The following PPP3CA variants were observed in gnomAD, a reference collection of about 807,000 sequenced individuals.
The protein encoded by PPP3CA is CAM-PRP catalytic subunit.
A neutral mutation model predicts 66.5 loss-of-function variants in PPP3CA; 14 were observed. That is an observed-to-expected ratio of 0.21 (90% CI 0.14 to 0.33). The LOEUF is 0.33. Among genes scored for constraint, PPP3CA ranks in the 10% least tolerant of loss-of-function variants. The probability of loss-of-function intolerance (pLI) is 1.00; values close to 1 mark genes in which losing one functional copy is unlikely to be tolerated. For missense variants in PPP3CA, 317 were observed against 639.5 expected, an observed-to-expected ratio of 0.50 and a Z score of 5.44; for synonymous variants, 232 against 226.2, an observed-to-expected ratio of 1.03 and a Z score of -0.23.
intron 5 of PPP3CA, among the ~76,000 whole-genome samples, chr4:101,095,189 C>T (rs970953616): frequency 6.6e-6 from 1 of 152,078 alleles, no homozygotes; most frequent in African/African-American, 2.4e-5. Flanking sequence ...ATAATTTATG[C>T]TCTTGGAACA....
chr4:101,064,909 T>C (rs1036053389), intron 8 of PPP3CA, among the ~76,000 whole-genome samples: 1 of 152,076 alleles, frequency 6.6e-6, no homozygotes, highest in African/African-American at 2.4e-5. Context: ...TGCATTTAAC[T>C]AAACTTGTAC....
chr4:101,235,725 C>G (rs1277259853), intron 1 of PPP3CA, among the ~76,000 whole-genome samples: 1 of 151,794 alleles, frequency 6.6e-6, no homozygotes, highest in African/African-American at 2.4e-5. Context: ...ATTTGACAGT[C>G]AATCTGTCTA....
chr4:101,321,905 G>A (rs1729052185), intron 1 of PPP3CA, among the ~76,000 whole-genome samples: 1 of 152,198 alleles, frequency 6.6e-6, no homozygotes, highest in Non-Finnish European at 1.5e-5. Flanking sequence ...TGTTGCAACA[G>A]AGGATGTCTT....
At chr4:101,100,435 G>A (rs1194551769) in intron 3 of PPP3CA, among the ~76,000 whole-genome samples, 2 of 152,008 alleles carry the variant, frequency 1.3e-5, no homozygotes, top group African/African-American at 4.8e-5. Context: ...TGTACTAAAA[G>A]CTACAGGATA....
At chr4:101,233,500 T>C (rs551713960) in intron 1 of PPP3CA, among the ~76,000 whole-genome samples, 1 of 151,948 alleles carries the variant, frequency 6.6e-6, no homozygotes, top group Non-Finnish European at 1.5e-5. Flanking sequence ...GTTTATTTTG[T>C]TCGCATTTTT....
intron 1 of PPP3CA, among the ~76,000 whole-genome samples, chr4:101,292,735 A>C (rs1728068934): frequency 6.6e-6 from 1 of 152,220 alleles, no homozygotes. Context: ...AGGATAGGGC[A>C]AACAACAATT....
At chr4:101,224,857 A>G (rs1725731670) in intron 1 of PPP3CA, among the ~76,000 whole-genome samples, 1 of 151,732 alleles carries the variant, frequency 6.6e-6, no homozygotes, top group Admixed American at 6.6e-5. Flanking sequence ...CACCTCCTTC[A>G]GAGAAAAGCC....
chr4:101,305,732 A>T (rs1159731883), intron 1 of PPP3CA, among the ~76,000 whole-genome samples: 3 of 152,218 alleles, frequency 2.0e-5, no homozygotes, highest in Non-Finnish European at 4.4e-5. Context: ...ATCATTTGTC[A>T]CAATCTTCCT....
At chr4:101,092,097 G>A (rs1729979293) in intron 6 of PPP3CA, among the ~76,000 whole-genome samples, 1 of 151,878 alleles carries the variant, frequency 6.6e-6, no homozygotes, top group Admixed American at 6.6e-5. Flanking sequence ...AAACCTAATC[G>A]TGTTGCAGAT....
intron 8 of PPP3CA, among the ~76,000 whole-genome samples, chr4:101,065,532 G>A (rs1324177532): frequency 6.6e-6 from 1 of 152,104 alleles, no homozygotes; most frequent in Non-Finnish European, 1.5e-5. Context: ...AGAAGCAGGT[G>A]TGACTGCCCT....
At position 101,190,230 on chromosome 4, in the gene PPP3CA, CA is replaced by C; in HGVS notation, c.259+5685del. 2.6e-5 allele frequency among the ~76,000 whole-genome samples: 4 copies of C among 152,088 alleles called. No homozygotes were observed. In the East Asian group the frequency reaches 7.7e-4, roughly 29 times the overall value. ...GATTTTAATATATTTTAGCCTTCTC[CA>C]AAAGAATTAGAGCATTATTACTGCC... On this transcript the variant is annotated intron_variant, in intron 2 of 13. Transcript: ENST00000394854.
chr4:101,080,011 C>T (rs552902190), intron 8 of PPP3CA, among the ~76,000 whole-genome samples: 3 of 152,282 alleles, frequency 2.0e-5, no homozygotes, highest in African/African-American at 4.8e-5. Context: ...GGTAGAGTAG[C>T]TAATAATATT....
chr4:101,143,390 C>T (rs1201995434), intron 2 of PPP3CA, among the ~76,000 whole-genome samples: 3 of 152,026 alleles, frequency 2.0e-5, no homozygotes, highest in Non-Finnish European at 4.4e-5. Flanking sequence ...TAAAGTTTTC[C>T]CTTGTCTCTC....
intron 1 of PPP3CA, among the ~76,000 whole-genome samples, chr4:101,260,995 C>A (rs1000139686): frequency 2.6e-5 from 4 of 152,022 alleles, no homozygotes; most frequent in African/African-American, 9.7e-5. Flanking sequence ...AAAGCACAAG[C>A]CAATGGCAAA....
rs111585701 is a variant in PPP3CA, at chr4:101,291,820, G to C, written c.58+54919C>G. ...CTTACCTCCACTAGGCTTGACAGTG[G>C]TATCAACTTGTCCTATAACACACAT... On this transcript the variant is annotated intron_variant, in intron 1 of 13. Coordinates refer to ENST00000394854, the MANE Select transcript of PPP3CA (RefSeq NM_000944.5). Among the ~76,000 whole-genome samples, 1,326 of 152,144 alleles carry C rather than the reference G, an allele frequency of 8.7e-3. 17 individuals carry two copies. Among genetic ancestry groups the C allele is most frequent in the African/African-American group, 0.03 (1,254 of 41,492 alleles).
intron 2 of PPP3CA, among the ~76,000 whole-genome samples, chr4:101,121,319 C>T (rs1722021221): frequency 6.6e-6 from 1 of 152,024 alleles, no homozygotes; most frequent in Non-Finnish European, 1.5e-5. Context: ...CAATTTCTAG[C>T]TGCATTACCT....
At chr4:101,232,341 C>T (rs1343481383) in intron 1 of PPP3CA, among the ~76,000 whole-genome samples, 1 of 151,488 alleles carries the variant, frequency 6.6e-6, no homozygotes, top group Non-Finnish European at 1.5e-5. Flanking sequence ...CCTCCTGGGA[C>T]CAGAGGCACA....
Position 101,347,160 on chromosome 4 carries a change from G to A in PPP3CA, c.-364C>T. The A allele has an allele frequency of 2.5e-6, 1 of 406,520 alleles. No individual in the cohort carries two copies. Among genetic ancestry groups the A allele is most frequent in the Non-Finnish European group, 4.5e-6 (1 of 222,144 alleles). 25.2% of individuals were successfully genotyped at this position (406,520 alleles called of 1,614,324 possible). On this transcript the variant is annotated 5_prime_UTR_variant, in exon 1 of 14. Transcript: ENST00000394854. The stretch of plus-strand genomic sequence containing the variant: ...CACACACGAGCACCCACCCCGGCAC[G>A]GAGACCCAGCACCGCGGAATGGAGC...
chr4:101,030,442 T>C (rs1726891471), intron 12 of PPP3CA, among the ~76,000 whole-genome samples: 1 of 152,072 alleles, frequency 6.6e-6, no homozygotes, highest in Admixed American at 6.5e-5. Context: ...CATCAGGCAA[T>C]ACATTTTGGA....
Sources: gnomAD v4.1 joint callset for allele counts (sites outside exome capture counted in the v4.1 genomes callset) on GRCh38, gnomAD v4.1.1 for gene constraint, MANE v1.5 for transcripts, NCBI Gene and HGNC (gene_info 2026-07-23, HGNC 2026-07-21) for gene names.